The following ARHGEF12 variants were observed in gnomAD, a reference collection of about 807,000 sequenced individuals.
ARHGEF12 encodes KMT2A/ARHGEF12 fusion protein.
A neutral mutation model predicts 211.2 loss-of-function variants in ARHGEF12; 66 were observed. That is an observed-to-expected ratio of 0.31 (90% CI 0.26 to 0.38). The LOEUF is 0.38. Ranked by LOEUF, ARHGEF12 falls within the 10% of genes least tolerant of loss-of-function variation. The pLI, the probability that ARHGEF12 is intolerant of heterozygous loss-of-function variation, is 1.00. For missense variants in ARHGEF12, 1,429 were observed against 1,869.5 expected (o/e 0.76, Z 4.34); for synonymous variants, 592 against 638.4 (o/e 0.93, Z 1.09).
At chr11:120,423,659 G>A (rs1300393274) in intron 6 of ARHGEF12, among the ~76,000 whole-genome samples, 1 of 152,036 alleles carries the variant, frequency 6.6e-6, no homozygotes, top group East Asian at 1.9e-4. Flanking sequence ...TCTCTTTGGT[G>A]TGTGTATACT....
chr11:120,443,392 A>G (rs1191773885), intron 15 of ARHGEF12, among the ~76,000 whole-genome samples: 2 of 152,078 alleles, frequency 1.3e-5, no homozygotes, highest in African/African-American at 4.8e-5. Flanking sequence ...CTACTCAAAG[A>G]TCTTACTCTA....
At chr11:120,390,378 T>A (rs1944175626) in intron 1 of ARHGEF12, among the ~76,000 whole-genome samples, 1 of 152,228 alleles carries the variant, frequency 6.6e-6, no homozygotes, top group Admixed American at 6.5e-5. Context: ...TTGCTTTTGC[T>A]CTCTCCCATC....
chr11:120,445,393 T>C (rs1946013910), intron 15 of ARHGEF12, 29 bp from the exon 16 acceptor site: 1 of 1,612,970 alleles, frequency 6.2e-7, no homozygotes. Context: ...TTTAGCGTTG[T>C]TACACCTTTT....
intron 37 of ARHGEF12, among the ~76,000 whole-genome samples, chr11:120,479,675 T>G (rs1405216680): frequency 3.3e-5 from 5 of 152,186 alleles, no homozygotes; most frequent in African/African-American, 1.2e-4. Context: ...ATTGAGGAGT[T>G]CTAAATAGTA....
At chr11:120,478,044 C>A in intron 36 of ARHGEF12, 112 bp from the exon 37 acceptor site, 1 of 718,608 alleles carries the variant, frequency 1.4e-6, no homozygotes, top group Non-Finnish European at 2.3e-6. Flanking sequence ...AACAGATGAT[C>A]TCTGTAGTTT....
At chr11:120,421,967 A>ATGCTTTT in intron 6 of ARHGEF12, 115 bp downstream of exon 6, 1 of 737,878 alleles carries the variant, frequency 1.4e-6, no homozygotes, top group Non-Finnish European at 2.3e-6. Flanking sequence ...TCTATGTATG[A>ATGCTTTT]TAGATCTGTT....
At chr11:120,346,559 A>G (rs1942727286) in intron 1 of ARHGEF12, among the ~76,000 whole-genome samples, 1 of 152,246 alleles carries the variant, frequency 6.6e-6, no homozygotes, top group Non-Finnish European at 1.5e-5. Context: ...TGGCATTGCA[A>G]GTTGCATGAT....
chr11:120,425,011 A>G (rs939690919), intron 7 of ARHGEF12, among the ~76,000 whole-genome samples: 1 of 152,218 alleles, frequency 6.6e-6, no homozygotes, highest in Non-Finnish European at 1.5e-5. Context: ...ACTTGGACTT[A>G]GTTCTCTGTG....
intron 27 of ARHGEF12, among the ~76,000 whole-genome samples, chr11:120,461,874 A>G (rs141099529): frequency 1.3e-3 from 205 of 152,356 alleles, no homozygotes; most frequent in Admixed American, 2.9e-3. Flanking sequence ...CTTCGTCTGC[A>G]GCTTCCTTAC....
chr11:120,370,482 G>C (rs1334252144), intron 1 of ARHGEF12, among the ~76,000 whole-genome samples: 1 of 151,942 alleles, frequency 6.6e-6, no homozygotes, highest in Admixed American at 6.6e-5. Flanking sequence ...TGAATTTTGG[G>C]ATCAGCTTGT....
chr11:120,416,234 T>A (rs1373741840), intron 4 of ARHGEF12, among the ~76,000 whole-genome samples: 1 of 152,222 alleles, frequency 6.6e-6, no homozygotes, highest in East Asian at 1.9e-4. Flanking sequence ...TCTAGACTTG[T>A]CTACTTGTCT....
At chr11:120,468,043 G>A (rs1156867943) in intron 29 of ARHGEF12, among the ~76,000 whole-genome samples, 1 of 152,128 alleles carries the variant, frequency 6.6e-6, no homozygotes, top group Admixed American at 6.5e-5. Context: ...CTTTGAAGAA[G>A]GTTCATCCTT....
intron 11 of ARHGEF12, among the ~76,000 whole-genome samples, chr11:120,436,282 A>T (rs1591590028): frequency 6.6e-6 from 1 of 152,150 alleles, no homozygotes; most frequent in East Asian, 1.9e-4. Context: ...CTTGTCCAAG[A>T]CCTGAAAGTC....
At chr11:120,408,664 G>C (rs1167204354) in intron 3 of ARHGEF12, 1 of 151,764 alleles carries the variant, frequency 6.6e-6, no homozygotes, top group East Asian at 1.9e-4. Flanking sequence ...ATTTAATAGA[G>C]AATAGTATGT....
chr11:120,450,600 A>G lies in ARHGEF12; in HGVS notation c.1844-912A>G, dbSNP rs2135840940. The G allele has an allele frequency of 2.0e-5, 3 of 152,294 alleles. No homozygotes were observed. In the Middle Eastern group the frequency reaches 0.01, roughly 518 times the overall value. 9.4% of individuals were successfully genotyped at this position (152,294 alleles called of 1,614,324 possible). A position where few individuals can be genotyped will look rare whatever the true frequency, so the allele number is the denominator to read the frequency against. ...TACAAAAGAAGAATTTGAGGAATTA[A>G]GAGATTAGGGTATAAAAAGTTGTGT... On this transcript the variant is annotated intron_variant, in intron 21 of 40. Coordinates refer to ENST00000397843, the MANE Select transcript of ARHGEF12 (RefSeq NM_015313.3).
At chr11:120,381,228 A>G (rs1408764701) in intron 1 of ARHGEF12, among the ~76,000 whole-genome samples, 1 of 152,184 alleles carries the variant, frequency 6.6e-6, no homozygotes, top group African/African-American at 2.4e-5. Context: ...TTGTTTCTAT[A>G]TGTATCAGTT....
intron 1 of ARHGEF12, among the ~76,000 whole-genome samples, chr11:120,400,345 T>A (rs1367651158): frequency 2.6e-5 from 4 of 152,022 alleles, no homozygotes; most frequent in Non-Finnish European, 5.9e-5. Context: ...TTTTGTAGAG[T>A]CCAGTTTATT....
rs1056877511 is a variant in ARHGEF12 at position 120,451,595 on chromosome 11, T to C, written c.1927T>C (p.Ser643Pro). Residue 643 changes from serine (S) to proline (P), a missense_variant, in exon 22 of 41, where the codon TCT (serine) becomes CCT (proline). Coordinates refer to ENST00000397843, the MANE Select transcript of ARHGEF12 (RefSeq NM_015313.3). ...PSSVSPEPQDSAKLRQSGLAN... is the reference protein window; with the variant it reads ...PSSVSPEPQDPAKLRQSGLAN... Reference sequence around the variant, plus strand: ...ATCTGTGAGTCCTGAACCTCAGGACTCTGCCAAGTTGCGCCAGAGTGGGTT... The same window carrying C: ...ATCTGTGAGTCCTGAACCTCAGGACCCTGCCAAGTTGCGCCAGAGTGGGTT... The C allele has an allele frequency of 1.2e-6, 2 of 1,614,200 alleles. No individual in the cohort carries two copies. Among genetic ancestry groups the C allele is most frequent in the Non-Finnish European group, 1.7e-6 (2 of 1,180,028 alleles).
chr11:120,351,451 ATATATTTT>A (rs1942963759), intron 1 of ARHGEF12, among the ~76,000 whole-genome samples: 2 of 3,492 alleles, frequency 5.7e-4, no homozygotes, highest in Non-Finnish European at 8.6e-4. Flanking sequence ...ATATATATAT[ATATATTTT>A]TTTTTTTTTT....
Sources: allele counts gnomAD v4.1 joint callset (sites outside exome capture counted in the v4.1 genomes callset), GRCh38; gene constraint gnomAD v4.1.1; transcripts MANE v1.5; gene names NCBI Gene and HGNC (gene_info 2026-07-23, HGNC 2026-07-21).